Variants in NUP210L observed in about 807,000 individuals in gnomAD.
NUP210L encodes nucleoporin 210 like.
NUP210L carries 74 observed loss-of-function variants against 208.5 expected under a neutral mutation model. The observed-to-expected ratio is 0.35, with a 90% confidence interval of 0.29 to 0.43. NUP210L has a LOEUF of 0.43. Among genes scored for constraint, NUP210L ranks in the 20% least tolerant of loss-of-function variants. The pLI, the probability that NUP210L is intolerant of heterozygous loss-of-function variation, is 1.00. For missense variants in NUP210L, 1,843 were observed against 2,289.4 expected, an observed-to-expected ratio of 0.81 and a Z score of 3.98; for synonymous variants, 780 against 816.9, an observed-to-expected ratio of 0.95 and a Z score of 0.77.
intron 14 of NUP210L, among the ~76,000 whole-genome samples, chr1:154,097,015 A>C (rs1656212449): frequency 6.6e-6 from 1 of 152,116 alleles, no homozygotes; most frequent in Non-Finnish European, 1.5e-5. Context: ...TAGGGGGTGG[A>C]GGTTGCCGAG....
At chr1:154,012,506 T>G (rs1481826901) in intron 33 of NUP210L, 136 bp from the exon 34 acceptor site, 1 of 797,162 alleles carries the variant, frequency 1.3e-6, no homozygotes, top group East Asian at 2.6e-5. Flanking sequence ...GACCACATAT[T>G]TGAGAACAAC....
intron 12 of NUP210L, among the ~76,000 whole-genome samples, chr1:154,105,072 G>A (rs111539179): frequency 7.3e-4 from 111 of 152,278 alleles, no homozygotes; most frequent in African/African-American, 2.0e-3. Flanking sequence ...GAGTCACAAG[G>A]CCCCCATTTC....
At chr1:153,998,730 T>A (rs1200005562) in intron 37 of NUP210L, among the ~76,000 whole-genome samples, 57 of 138,126 alleles carry the variant, frequency 4.1e-4, no homozygotes, top group Middle Eastern at 3.7e-3. Context: ...TTTTTTTTTT[T>A]AATTCCTGAG....
chr1:154,127,522 T>A, intron 8 of NUP210L, 105 bp from the exon 9 acceptor site: 1 of 430,326 alleles, frequency 2.3e-6, no homozygotes, highest in East Asian at 4.0e-5. Context: ...CAAAATTTAC[T>A]AATAGATGGA....
At chr1:154,011,463 C>T (rs1650914838) in intron 34 of NUP210L, among the ~76,000 whole-genome samples, 1 of 151,410 alleles carries the variant, frequency 6.6e-6, no homozygotes, top group Non-Finnish European at 1.5e-5. Context: ...ACCTCATGAT[C>T]CATCCGCCTC....
chr1:154,057,531 CAGAGGGGAAT>C (rs1653930337), intron 22 of NUP210L, among the ~76,000 whole-genome samples: 3 of 152,168 alleles, frequency 2.0e-5, no homozygotes, highest in Admixed American at 2.0e-4. Flanking sequence ...TCTCCTTTCT[CAGAGGGGAAT>C]ACCAGTATGT....
chr1:154,118,652 G>T lies in NUP210L; in HGVS notation c.1464+19C>A. 2 of 1,464,086 alleles carry T rather than the reference G, an allele frequency of 1.4e-6. No homozygotes were observed. Among genetic ancestry groups the T allele is most frequent in the Middle Eastern group, 1.8e-4 (1 of 5,492 alleles). 90.7% of individuals were successfully genotyped at this position (1,464,086 alleles called of 1,614,324 possible). A position where few individuals can be genotyped will look rare whatever the true frequency, so the allele number is the denominator to read the frequency against. ...AGAAACCGGCTTATCTCCTTGTGAA[G>T]CCTTATAGGACACCATACCTGTACT... On this transcript the variant is annotated intron_variant, in intron 11 of 39. Coordinates refer to ENST00000368559, the Ensembl canonical transcript of NUP210L.
chr1:154,065,024 C>T lies in NUP210L; in HGVS notation c.2555-3350G>A, dbSNP rs558779872. 6.0e-5 allele frequency among the ~76,000 whole-genome samples: 9 copies of T among 150,622 alleles called. 1 individual carries two copies. Among genetic ancestry groups the T allele is most frequent in the Admixed American group, 4.6e-4 (7 of 15,060 alleles). ...CCGGGAGGTAGAGGTTGCAATGAGC[C>T]GAGATTGTGCCACTGTATTCCAGCC... On this transcript the variant is annotated intron_variant, in intron 17 of 39. Coordinates refer to ENST00000368559, the Ensembl canonical transcript of NUP210L.
intron 16 of NUP210L, among the ~76,000 whole-genome samples, chr1:154,083,564 A>G (rs1655462262): frequency 6.6e-6 from 1 of 152,148 alleles, no homozygotes; most frequent in Non-Finnish European, 1.5e-5. Flanking sequence ...GAGATCTGAC[A>G]GTAACTCCAG....
At chr1:154,152,780 G>A (rs150389273) in exon 2 of NUP210L, 29 of 1,613,940 alleles carry the variant, frequency 1.8e-5, no homozygotes, top group African/African-American at 4.0e-5. Flanking sequence ...TATCGGTTGC[G>A]TAGATTCAGC....
chr1:154,060,405 A>G, intron 20 of NUP210L, 135 bp downstream of exon 20: 1 of 582,972 alleles, frequency 1.7e-6, no homozygotes. Context: ...TGGTTGAAGA[A>G]TCTATATAGG....
intron 28 of NUP210L, among the ~76,000 whole-genome samples, chr1:154,028,282 A>G (rs556852854): frequency 4.5e-4 from 68 of 152,314 alleles, no homozygotes; most frequent in African/African-American, 1.3e-3. Context: ...CTAACTGTGA[A>G]TATATTTAAA....
At chr1:154,008,105 C>G (rs889045408) in intron 35 of NUP210L, among the ~76,000 whole-genome samples, 2 of 151,740 alleles carry the variant, frequency 1.3e-5, no homozygotes, top group Admixed American at 6.6e-5. Flanking sequence ...CTCCTGACCT[C>G]AAGTGATTTG....
chr1:154,027,101 A>AC (rs1651934854), intron 29 of NUP210L, among the ~76,000 whole-genome samples: 1 of 150,402 alleles, frequency 6.6e-6, no homozygotes, highest in African/African-American at 2.5e-5. Flanking sequence ...AAAAAACAAA[A>AC]AAAAAAAAAC....
chr1:154,041,441 A>G (rs562078631), intron 27 of NUP210L, among the ~76,000 whole-genome samples: 157 of 152,124 alleles, frequency 1.0e-3, no homozygotes, highest in South Asian at 5.2e-3. Context: ...AGTGATTCTC[A>G]TGCCTCAGCC....
intron 3 of NUP210L, among the ~76,000 whole-genome samples, chr1:154,142,826 T>C (rs1658921013): frequency 6.6e-6 from 1 of 150,422 alleles, no homozygotes; most frequent in Non-Finnish European, 1.5e-5. Context: ...AGGGCAGAGG[T>C]TGCAGTGAGC....
At chr1:153,994,170 G>A (rs930457086) in intron 38 of NUP210L, among the ~76,000 whole-genome samples, 6 of 151,826 alleles carry the variant, frequency 4.0e-5, no homozygotes, top group Admixed American at 2.0e-4. Context: ...GTGAGCCATT[G>A]CACCCAGTCT....
At chr1:154,120,237 G>A (rs768543743) in intron 10 of NUP210L, among the ~76,000 whole-genome samples, 15 of 152,028 alleles carry the variant, frequency 9.9e-5, no homozygotes, top group Non-Finnish European at 1.9e-4. Flanking sequence ...TTTTTGATGG[G>A]GTTGTTTTCT....
Position 154,116,099 on chromosome 1 carries a change from CA to C in NUP210L, c.1620+1625del, listed in dbSNP as rs1190754557. 4.6e-5 allele frequency among the ~76,000 whole-genome samples: 7 copies of C among 151,670 alleles called. No individual in the cohort carries two copies. In the South Asian group the frequency reaches 1.2e-3, roughly 27 times the overall value. Reference sequence around the variant, plus strand: ...TGAAACCCCATCTCTATTAAAAATACAAAAAATTGGCCGGGCATGGTGGCAC... The same window carrying C: ...TGAAACCCCATCTCTATTAAAAATACAAAAATTGGCCGGGCATGGTGGCAC... On this transcript the variant is annotated intron_variant, in intron 12 of 39. Coordinates refer to ENST00000368559, the Ensembl canonical transcript of NUP210L.
Sources: allele counts gnomAD v4.1 joint callset (sites outside exome capture counted in the v4.1 genomes callset), GRCh38; gene constraint gnomAD v4.1.1; transcripts MANE v1.5; gene names NCBI Gene and HGNC (gene_info 2026-07-23, HGNC 2026-07-21).